The following PARD3 variants were observed in gnomAD, a reference collection of about 807,000 sequenced individuals.
The protein encoded by PARD3 is par-3 family cell polarity regulator.
Under a neutral mutation model 155.4 loss-of-function variants are expected in PARD3, and 75 were observed. That is an observed-to-expected ratio of 0.48 (90% CI 0.40 to 0.58). The LOEUF (loss-of-function observed/expected upper bound fraction) is 0.58, where lower values mean the gene tolerates loss of function less well. Ranked by LOEUF, PARD3 falls within the 20% of genes least tolerant of loss-of-function variation. The pLI, the probability that PARD3 is intolerant of heterozygous loss-of-function variation, is 0.00. For synonymous variants in PARD3, 576 were observed against 610.5 expected, an observed-to-expected ratio of 0.94 and a Z score of 0.83; for missense variants, 1,642 against 1,721.7, an observed-to-expected ratio of 0.95 and a Z score of 0.82.
Position 34,111,397 on chromosome 10 carries a change from C to T in PARD3, c.3834G>A (p.Leu1278=), listed in dbSNP as rs1946373164. 4 of 1,614,162 alleles carry T rather than the reference C, an allele frequency of 2.5e-6. No homozygotes were observed. Among genetic ancestry groups the T allele is most frequent in the East Asian group, 2.2e-5 (1 of 44,858 alleles). The change falls in exon 25 of 25, where the codon CTG becomes CTA. Residue 1278 remains leucine, a synonymous_variant. Transcript: ENST00000374788. ...CCTGGCGAAGGAGCTCCTGAGTTTCCAGCATGACCCTGGCGTTGAAGCCAT... is the reference window on the plus strand; with the variant it reads ...CCTGGCGAAGGAGCTCCTGAGTTTCTAGCATGACCCTGGCGTTGAAGCCAT... The part of the protein sequence containing the change: ...GGHGFNARVM[L]ETQELLRQEQ...
chr10:34,357,495 T>C (rs549306258), intron 14 of PARD3, among the ~76,000 whole-genome samples: 4 of 152,178 alleles, frequency 2.6e-5, no homozygotes, highest in African/African-American at 9.7e-5. Context: ...TAAAAGAGAA[T>C]GATATGTTTT....
At chr10:34,380,090 C>A (rs1841675336) in intron 9 of PARD3, among the ~76,000 whole-genome samples, 1 of 152,076 alleles carries the variant, frequency 6.6e-6, no homozygotes, top group Admixed American at 6.5e-5. Context: ...AGAAAAAAAT[C>A]TGCTAGCTAC....
intron 5 of PARD3, among the ~76,000 whole-genome samples, chr10:34,406,914 G>A (rs1197731818): frequency 6.6e-6 from 1 of 152,004 alleles, no homozygotes; most frequent in Non-Finnish European, 1.5e-5. Context: ...CTGTGACACT[G>A]GCTATTGACT....
intron 22 of PARD3, among the ~76,000 whole-genome samples, chr10:34,221,780 A>G (rs1564494350): frequency 6.6e-6 from 1 of 152,220 alleles, no homozygotes. Context: ...GTGTGGGGAC[A>G]ATGTCCATGT....
At chr10:34,626,864 A>G (rs1400042378) in intron 2 of PARD3, among the ~76,000 whole-genome samples, 1 of 151,910 alleles carries the variant, frequency 6.6e-6, no homozygotes, top group Non-Finnish European at 1.5e-5. Flanking sequence ...CATAACCACC[A>G]CGACCCACAC....
intron 2 of PARD3, among the ~76,000 whole-genome samples, chr10:34,555,488 T>G (rs1472189327): frequency 1.3e-5 from 2 of 152,158 alleles, no homozygotes; most frequent in African/African-American, 4.8e-5. Context: ...TTTTATATCA[T>G]AAATAATTGA....
At chr10:34,185,970 A>G (rs925493453) in intron 22 of PARD3, among the ~76,000 whole-genome samples, 2 of 151,978 alleles carry the variant, frequency 1.3e-5, no homozygotes, top group African/African-American at 4.8e-5. Context: ...TATCACCTTC[A>G]TCTTACAGAG....
At chr10:34,457,067 C>T (rs1186195438) in intron 4 of PARD3, among the ~76,000 whole-genome samples, 1 of 152,140 alleles carries the variant, frequency 6.6e-6, no homozygotes, top group African/African-American at 2.4e-5. Flanking sequence ...AAATCAGAAG[C>T]ATGACATTTT....
intron 1 of PARD3, among the ~76,000 whole-genome samples, chr10:34,795,514 A>G (rs1311924704): frequency 2.0e-5 from 3 of 151,822 alleles, no homozygotes; most frequent in Non-Finnish European, 4.4e-5. Context: ...GGAGGCTGAG[A>G]GGTGGGAGAA....
chr10:34,628,948 A>T (rs548196624), intron 2 of PARD3, among the ~76,000 whole-genome samples: 88 of 152,234 alleles, frequency 5.8e-4, no homozygotes, highest in Non-Finnish European at 1.1e-3. Context: ...ATGATTTTTT[A>T]AAATCCCTGT....
chr10:34,479,543 C>G (rs1564759530), intron 3 of PARD3, among the ~76,000 whole-genome samples: 1 of 152,120 alleles, frequency 6.6e-6, no homozygotes, highest in South Asian at 2.1e-4. Context: ...CTGCCGCAAT[C>G]GAGACTTAGG....
chr10:34,241,955 T>TAA (rs139873816), intron 22 of PARD3, among the ~76,000 whole-genome samples: 2 of 150,710 alleles, frequency 1.3e-5, no homozygotes, highest in Non-Finnish European at 3.0e-5. Context: ...GAGTCTCTTT[T>TAA]AAAAAAAAAA....
At chr10:34,785,155 C>A (rs1249779642) in intron 1 of PARD3, among the ~76,000 whole-genome samples, 1 of 152,228 alleles carries the variant, frequency 6.6e-6, no homozygotes, top group Non-Finnish European at 1.5e-5. Context: ...ATGCCTCATG[C>A]AGGAATGTCA....
At position 34,163,761 on chromosome 10, in the gene PARD3, C is replaced by G. The variant is rs766820452; in HGVS notation, c.3420-32178G>C. Among the ~76,000 whole-genome samples the G allele has an allele frequency of 2.0e-5, 3 of 152,214 alleles. No individual in the cohort carries two copies. In the East Asian group the frequency reaches 5.8e-4, roughly 29 times the overall value. ...CTGTCAGAGAGATGTGATCTGCTCA[C>G]GCACCGTTACGGGGGAACTGCTCAG... On this transcript the variant is annotated intron_variant, in intron 22 of 24. Coordinates refer to ENST00000374788, the MANE Select transcript of PARD3 (RefSeq NM_001184785.2).
At chr10:34,814,831 G>A (rs774464948) in intron 1 of PARD3, 45 bp downstream of exon 1, 2 of 1,255,414 alleles carry the variant, frequency 1.6e-6, no homozygotes, top group South Asian at 2.7e-5. Flanking sequence ...TCCCGGCGCC[G>A]TCCCCGCCGC....
intron 22 of PARD3, among the ~76,000 whole-genome samples, chr10:34,211,367 G>A (rs1460135433): frequency 6.6e-6 from 1 of 152,158 alleles, no homozygotes; most frequent in Non-Finnish European, 1.5e-5. Context: ...TCACAGTTAG[G>A]CCAGCGGGAA....
intron 22 of PARD3, among the ~76,000 whole-genome samples, chr10:34,253,320 A>T (rs1031529015): frequency 6.6e-6 from 1 of 152,234 alleles, no homozygotes; most frequent in Non-Finnish European, 1.5e-5. Flanking sequence ...ATGCTCCAGC[A>T]AAGCCTACAG....
intron 3 of PARD3, among the ~76,000 whole-genome samples, chr10:34,510,783 C>T (rs1376504257): frequency 6.6e-6 from 1 of 151,850 alleles, no homozygotes; most frequent in Middle Eastern, 3.2e-3. Flanking sequence ...GTAACCCATC[C>T]CCTAGCCTGT....
In PARD3 at chr10:34,312,514, T is replaced by C. The variant is rs535178901; in HGVS notation, c.3065+4593A>G. 4 of 816,504 alleles carry C rather than the reference T, an allele frequency of 4.9e-6. No homozygotes were observed. In the East Asian group the frequency reaches 7.4e-5, roughly 15 times the overall value. The allele number at this position is 816,504 out of a possible 1,614,324, so 50.6% of individuals were successfully genotyped here. ...CGACATTCAGTTTTTAAAACCTGATTATGTTCATTGTGTTCTGAAAATGAT... is the reference window on the plus strand; with the variant it reads ...CGACATTCAGTTTTTAAAACCTGATCATGTTCATTGTGTTCTGAAAATGAT... On this transcript the variant is annotated intron_variant, in intron 20 of 24. Transcript: ENST00000374788.
Sources: gnomAD v4.1 joint callset for allele counts (sites outside exome capture counted in the v4.1 genomes callset) on GRCh38, gnomAD v4.1.1 for gene constraint, MANE v1.5 for transcripts, NCBI Gene and HGNC (gene_info 2026-07-23, HGNC 2026-07-21) for gene names.